UNC5D: variants seen among roughly 807,000 people sequenced by gnomAD.
UNC5D encodes unc-5 netrin receptor D, also known as netrin receptor UNC5D.
Under a neutral mutation model 105.4 loss-of-function variants are expected in UNC5D, and 39 were observed. That is an observed-to-expected ratio of 0.37 (90% CI 0.29 to 0.48). The LOEUF (loss-of-function observed/expected upper bound fraction) is 0.48, where lower values mean the gene tolerates loss of function less well. UNC5D is among the 20% of genes least tolerant of loss of function. The pLI, the probability that UNC5D is intolerant of heterozygous loss-of-function variation, is 0.98. For synonymous variants in UNC5D, 452 were observed against 450.4 expected (o/e 1.00, Z -0.04); for missense variants, 991 against 1,202.4 (o/e 0.82, Z 2.60).
Position 35,748,541 on chromosome 8 carries a change from G to C in UNC5D, c.1781G>C (p.Gly594Ala). 1 of 1,613,678 alleles carries C rather than the reference G, an allele frequency of 6.2e-7. No individual in the cohort carries two copies. Among genetic ancestry groups the C allele is most frequent in the Non-Finnish European group, 8.5e-7 (1 of 1,179,816 alleles). ...CAACTGTGAAGCCTCCAGTCAGATG[G>C]CTCTGAGGTGCTCCTGAGTCCTGAA... is the stretch of plus-strand genomic sequence containing the variant. Reference protein sequence around the residue: ...NQGEPSLQSDGSEVLLSPEVT... With the variant: ...NQGEPSLQSDASEVLLSPEVT... Residue 594 changes from glycine to alanine, a missense_variant, in exon 12 of 17, where the codon GGC (glycine) becomes GCC (alanine). Physicochemically the swap from Gly to Ala is moderately conservative, Grantham distance 60. This residue lies in a region of UNC5D where 944 missense variants were observed against 1,131.6 expected (regional missense o/e 0.83). Coordinates refer to ENST00000404895, the MANE Select transcript of UNC5D (RefSeq NM_080872.4).
chr8:35,467,901 G>A (rs1809427531), intron 1 of UNC5D, among the ~76,000 whole-genome samples: 1 of 152,128 alleles, frequency 6.6e-6, no homozygotes, highest in African/African-American at 2.4e-5. Flanking sequence ...GATCACCAAT[G>A]ACCAATGTGA....
intron 4 of UNC5D, among the ~76,000 whole-genome samples, chr8:35,597,156 A>G (rs764677722): frequency 1.7e-4 from 26 of 152,220 alleles, no homozygotes; most frequent in Non-Finnish European, 3.4e-4. Context: ...ATACTTGCAT[A>G]TTTAGAAAGC....
chr8:35,253,397 C>T (rs1173784833), intron 1 of UNC5D, among the ~76,000 whole-genome samples: 1 of 148,542 alleles, frequency 6.7e-6, no homozygotes, highest in Non-Finnish European at 1.5e-5. Flanking sequence ...TTTGGCCTTT[C>T]ATATTTATTC....
chr8:35,540,644 G>A (rs1353060162), intron 1 of UNC5D, among the ~76,000 whole-genome samples: 4 of 152,160 alleles, frequency 2.6e-5, no homozygotes, highest in Non-Finnish European at 5.9e-5. Flanking sequence ...ATGGGAACAG[G>A]TGTCTCAGGT....
chr8:35,744,327 C>T (rs1046409902), intron 11 of UNC5D, among the ~76,000 whole-genome samples: 2 of 152,188 alleles, frequency 1.3e-5, no homozygotes, highest in South Asian at 4.1e-4. Context: ...CTATTTTACC[C>T]TTCGTAAATA....
chr8:35,645,527 C>CTGTG (rs374310163), intron 4 of UNC5D, among the ~76,000 whole-genome samples: 5,754 of 145,438 alleles, frequency 0.04, 129 homozygotes, highest in African/African-American at 0.058. Flanking sequence ...TGTGTGTGTG[C>CTGTG]TGTGTGTGTG....
chr8:35,260,158 T>C (rs528695060), intron 1 of UNC5D, among the ~76,000 whole-genome samples: 2 of 152,146 alleles, frequency 1.3e-5, no homozygotes, highest in Non-Finnish European at 2.9e-5. Flanking sequence ...GGTATAGTTA[T>C]GTCTTCTCGA....
chr8:35,588,464 T>C (rs1818942830), intron 3 of UNC5D, among the ~76,000 whole-genome samples: 1 of 152,190 alleles, frequency 6.6e-6, no homozygotes, highest in Admixed American at 6.5e-5. Flanking sequence ...TAGATATTAC[T>C]CTCTGAGAAA....
chr8:35,512,569 A>ATATATCTC lies in UNC5D; in HGVS notation c.104-36722_104-36721insATATCTCT, dbSNP rs539399345. Among the ~76,000 whole-genome samples, 16 of 64,822 alleles carry ATATATCTC rather than the reference A, an allele frequency of 2.5e-4. 1 individual carries two copies. The highest frequency in any genetic ancestry group is 1.8e-3 in the South Asian group (3 of 1,662). The allele number at this position is 64,822 out of a possible 152,430, so 42.5% of individuals were successfully genotyped here. ...TATATATATATATATATATATATATATCTGAATAGATTACTAAATGGAGAT... is the reference window on the plus strand; with the variant it reads ...TATATATATATATATATATATATATATATATCTCTCTGAATAGATTACTAAATGGAGAT... On this transcript the variant is annotated intron_variant, in intron 1 of 16. Transcript: ENST00000404895.
intron 1 of UNC5D, among the ~76,000 whole-genome samples, chr8:35,402,895 C>CCAAG (rs1804563466): frequency 6.6e-6 from 1 of 152,172 alleles, no homozygotes. Flanking sequence ...TCTCCATATT[C>CCAAG]GTGCCTACCT....
At chr8:35,466,204 T>C (rs956205684) in intron 1 of UNC5D, among the ~76,000 whole-genome samples, 2 of 152,160 alleles carry the variant, frequency 1.3e-5, no homozygotes, top group Non-Finnish European at 2.9e-5. Context: ...AATCTTCCTC[T>C]TCACAAGGAG....
intron 16 of UNC5D, among the ~76,000 whole-genome samples, chr8:35,783,522 G>A (rs998461014): frequency 4.6e-5 from 7 of 151,710 alleles, no homozygotes; most frequent in Non-Finnish European, 1.0e-4. Context: ...GACTCAGAAC[G>A]CTGAGCTGGG....
At chr8:35,690,728 C>T (rs1204826999) in intron 7 of UNC5D, among the ~76,000 whole-genome samples, 2 of 152,186 alleles carry the variant, frequency 1.3e-5, no homozygotes, top group Non-Finnish European at 2.9e-5. Context: ...GGTACTCTGT[C>T]GGAGTGCTCT....
chr8:35,737,218 G>A (rs1414878698), intron 11 of UNC5D, among the ~76,000 whole-genome samples: 2 of 151,514 alleles, frequency 1.3e-5, no homozygotes, highest in African/African-American at 4.9e-5. Context: ...GGAGTTTTGA[G>A]ATAGACTTGG....
Position 35,746,814 on chromosome 8 carries a change from A to G in UNC5D, c.1767-1713A>G, listed in dbSNP as rs148373458. ...TCGGTCACTCATAAGCATCCCTGCT[A>G]TTCCTGTCCATGATGAATGCAGGCG... On this transcript the variant is annotated intron_variant, in intron 11 of 16. Transcript: ENST00000404895. Among the ~76,000 whole-genome samples the G allele has an allele frequency of 6.2e-4, 95 of 152,316 alleles. 1 individual carries two copies. In the East Asian group the frequency reaches 0.018, roughly 29 times the overall value.
At chr8:35,266,523 G>A (rs571617757) in intron 1 of UNC5D, among the ~76,000 whole-genome samples, 6 of 152,302 alleles carry the variant, frequency 3.9e-5, no homozygotes, top group African/African-American at 1.4e-4. Flanking sequence ...CAGTTGTGAA[G>A]TACATAAAGG....
chr8:35,363,001 A>C (rs1801933961), intron 1 of UNC5D, among the ~76,000 whole-genome samples: 1 of 152,252 alleles, frequency 6.6e-6, no homozygotes. Flanking sequence ...TCCAGAGTCC[A>C]ATCCCGGGTC....
intron 4 of UNC5D, among the ~76,000 whole-genome samples, chr8:35,613,395 G>A (rs901936517): frequency 2.6e-5 from 4 of 152,236 alleles, no homozygotes; most frequent in Admixed American, 2.6e-4. Flanking sequence ...TGCACTGCAG[G>A]AGTCGTTGTT....
intron 1 of UNC5D, among the ~76,000 whole-genome samples, chr8:35,539,684 C>T (rs1225436947): frequency 1.3e-5 from 2 of 152,166 alleles, no homozygotes; most frequent in African/African-American, 2.4e-5. Context: ...CCTGTGTCCA[C>T]ATCACATACA....
Sources: gnomAD v4.1 joint callset for allele counts (sites outside exome capture counted in the v4.1 genomes callset) on GRCh38, gnomAD v4.1.1 for gene constraint, gnomAD v4.1.1 regional missense constraint, MANE v1.5 for transcripts, NCBI Gene and HGNC (gene_info 2026-07-23, HGNC 2026-07-21) for gene names.